The following GPR89A variants were observed in gnomAD, a reference collection of about 807,000 sequenced individuals.
The protein encoded by GPR89A is G protein-coupled receptor 89A.
A neutral mutation model predicts 52.0 loss-of-function variants in GPR89A; 16 were observed. That is an observed-to-expected ratio of 0.31 (90% CI 0.21 to 0.47). GPR89A has a LOEUF of 0.47. GPR89A is among the 20% of genes least tolerant of loss of function. The probability of loss-of-function intolerance (pLI) is 1.00; values close to 1 mark genes in which losing one functional copy is unlikely to be tolerated. For missense variants in GPR89A, 135 were observed against 449.4 expected (o/e 0.30, Z 6.33); for synonymous variants, 55 against 150.9 (o/e 0.36, Z 4.66).
At chr1:145,654,940 G>A (rs1438490145) in intron 10 of GPR89A, among the ~76,000 whole-genome samples, 3 of 150,920 alleles carry the variant, frequency 2.0e-5, no homozygotes, top group African/African-American at 4.9e-5. Flanking sequence ...TGAATCAGCC[G>A]TAGGTTCGGT....
intron 7 of GPR89A, among the ~76,000 whole-genome samples, chr1:145,632,194 T>TA (rs1571493342): frequency 6.6e-6 from 1 of 152,228 alleles, no homozygotes; most frequent in East Asian, 1.9e-4. Flanking sequence ...GTGGAATAAT[T>TA]AAATCAAGCT....
At chr1:145,609,456 A>G (rs1648097156) in intron 1 of GPR89A, among the ~76,000 whole-genome samples, 1 of 151,910 alleles carries the variant, frequency 6.6e-6, no homozygotes, top group Non-Finnish European at 1.5e-5. Flanking sequence ...TGGCTGCATA[A>G]TATTCAAATG....
chr1:145,613,996 A>G (rs1413536126), intron 1 of GPR89A, among the ~76,000 whole-genome samples: 1 of 152,112 alleles, frequency 6.6e-6, no homozygotes, highest in Non-Finnish European at 1.5e-5. Flanking sequence ...CACGTTGCCC[A>G]AGCTGGTCTC....
At chr1:145,630,095 C>T (rs1461340072) in intron 5 of GPR89A, among the ~76,000 whole-genome samples, 1 of 150,704 alleles carries the variant, frequency 6.6e-6, no homozygotes, top group African/African-American at 2.4e-5. Context: ...AGCATTCTCA[C>T]GTGATATGAA....
intron 10 of GPR89A, 107 bp from the exon 11 acceptor site, chr1:145,663,222 T>C (rs782681781): frequency 6.3e-7 from 1 of 1,587,168 alleles, no homozygotes; most frequent in African/African-American, 1.4e-5. Flanking sequence ...TTTAGGAACA[T>C]TGACCTGTAA....
chr1:145,619,367 T>C (rs1189176913), intron 3 of GPR89A, among the ~76,000 whole-genome samples: 1 of 149,264 alleles, frequency 6.7e-6, no homozygotes, highest in Non-Finnish European at 1.5e-5. Flanking sequence ...CCTAGCACTT[T>C]GGGAGGCTGA....
At chr1:145,628,727 C>T (rs1401523223) in intron 5 of GPR89A, among the ~76,000 whole-genome samples, 1 of 152,164 alleles carries the variant, frequency 6.6e-6, no homozygotes, top group Non-Finnish European at 1.5e-5. Context: ...ATTACAATTA[C>T]TAGTGAAAGT....
chr1:145,663,418 A>G lies in GPR89A; in HGVS notation c.999A>G (p.Gln333=), dbSNP rs782749236. 1.2e-5 allele frequency: 19 copies of G among 1,610,614 alleles called. No individual in the cohort carries two copies. The highest frequency in any genetic ancestry group is 5.4e-5 in the African/African-American group (4 of 74,748). The part of the protein sequence containing the change: ...IEITVNYLGI[Q]FDVKFWSQHI... ...TCACTGTGAATTATCTGGGAATCCA[A>G]TTTGATGTAAGTGTTATATCAAGAT... The change falls in exon 11 of 14, where the codon CAA becomes CAG. Residue 333 remains glutamine (Q), a synonymous_variant. Coordinates refer to ENST00000313835, the MANE Select transcript of GPR89A (RefSeq NM_001097612.2).
chr1:145,663,576 T>C, intron 11 of GPR89A, 152 bp downstream of exon 11: 1 of 633,368 alleles, frequency 1.6e-6, no homozygotes, highest in Non-Finnish European at 2.8e-6. Flanking sequence ...CATGGAAAAT[T>C]TTTATATTTT....
intron 10 of GPR89A, among the ~76,000 whole-genome samples, chr1:145,655,057 C>T (rs1303893194): frequency 6.7e-6 from 1 of 149,150 alleles, no homozygotes; most frequent in African/African-American, 2.5e-5. Flanking sequence ...TCTTCAAGCT[C>T]TGAGATTCTT....
At position 145,669,153 on chromosome 1, in the gene GPR89A, G is replaced by A. The variant is rs1463568292; in HGVS notation, c.1096-472G>A. 8.4e-4 allele frequency among the ~76,000 whole-genome samples: 128 copies of A among 151,934 alleles called. 1 individual carries two copies. Among genetic ancestry groups the A allele is most frequent in the African/African-American group, 3.0e-3 (125 of 41,398 alleles). On this transcript the variant is annotated intron_variant, in intron 12 of 13. Transcript: ENST00000313835. ...TCTAATCAACGTAGGAAGACTTCAC[G>A]GAGGTGGAAAGTGAGTCCTCTCTGG... is the stretch of plus-strand genomic sequence containing the variant.
chr1:145,649,956 A>G (rs1651334236), intron 10 of GPR89A, among the ~76,000 whole-genome samples: 1 of 137,692 alleles, frequency 7.3e-6, no homozygotes, highest in Admixed American at 7.7e-5. Flanking sequence ...TTTTGGATGA[A>G]TTATCTGTTC....
chr1:145,626,416 G>A (rs1649500833), intron 5 of GPR89A, among the ~76,000 whole-genome samples: 1 of 151,928 alleles, frequency 6.6e-6, no homozygotes, highest in South Asian at 2.1e-4. Context: ...CCCTGAAAAG[G>A]ACACTGAGGG....
intron 1 of GPR89A, chr1:145,608,702 G>C: frequency 1.2e-6 from 1 of 810,582 alleles, no homozygotes; most frequent in South Asian, 3.8e-5. Flanking sequence ...AAAGTATAAG[G>C]TTTCGTTTTT....
intron 2 of GPR89A, 29 bp downstream of exon 2, chr1:145,616,322 C>A (rs782702392): frequency 3.2e-6 from 5 of 1,580,852 alleles, no homozygotes; most frequent in Non-Finnish European, 4.3e-6. Context: ...GTCATACTTA[C>A]ACTATATGAT....
chr1:145,646,196 T>G lies in GPR89A; in HGVS notation c.740T>G (p.Ile247Ser). 6.2e-7 allele frequency: 1 copy of G among 1,612,532 alleles called. No homozygotes were observed. Among genetic ancestry groups the G allele is most frequent in the Non-Finnish European group, 8.5e-7 (1 of 1,178,768 alleles). ...SASGSENLTLIQQEVDALEEL... is the reference protein window; with the variant it reads ...SASGSENLTLSQQEVDALEEL... Reference sequence around the variant, plus strand: ...CATTCTGTGCCAGATCTTACTCTTATTCAACAGGAAGTGGATGCTTTGGAA... The same window carrying G: ...CATTCTGTGCCAGATCTTACTCTTAGTCAACAGGAAGTGGATGCTTTGGAA... The change falls in exon 9 of 14, where the codon ATT becomes AGT. Residue 247 changes from isoleucine (I) to serine (S), a missense_variant. Transcript: ENST00000313835.
At chr1:145,659,329 C>T (rs1301214620) in intron 10 of GPR89A, among the ~76,000 whole-genome samples, 4 of 151,872 alleles carry the variant, frequency 2.6e-5, no homozygotes, top group Non-Finnish European at 5.9e-5. Context: ...AGGTTACAGG[C>T]GCATGCAACC....
At chr1:145,658,966 C>T (rs1479324544) in intron 10 of GPR89A, among the ~76,000 whole-genome samples, 4 of 151,800 alleles carry the variant, frequency 2.6e-5, no homozygotes. Context: ...TTAGTAGAGA[C>T]GAGGTTTGAC....
intron 1 of GPR89A, 167 bp downstream of exon 1, chr1:145,608,342 C>T (rs782278510): frequency 3.5e-6 from 4 of 1,147,840 alleles, no homozygotes; most frequent in Admixed American, 4.2e-5. Flanking sequence ...CGGCCGGTTC[C>T]CTCAGCCCCG....
Sources: gnomAD v4.1 joint callset for allele counts (sites outside exome capture counted in the v4.1 genomes callset) on GRCh38, gnomAD v4.1.1 for gene constraint, MANE v1.5 for transcripts, NCBI Gene and HGNC (gene_info 2026-07-23, HGNC 2026-07-21) for gene names.